MORN3: variants seen among roughly 807,000 people sequenced by gnomAD.
MORN3 encodes MORN repeat-containing protein 3.
Under a neutral mutation model 34.7 loss-of-function variants are expected in MORN3, and 38 were observed. The observed-to-expected ratio is 1.10, with a 90% CI of 0.85 to 1.44. MORN3 has a LOEUF of 1.44. Ranked by LOEUF, MORN3 falls within the 40% of genes most tolerant of loss-of-function variation. The pLI, the probability that MORN3 is intolerant of heterozygous loss-of-function variation, is 0.00. For synonymous variants in MORN3, 109 were observed against 115.3 expected (o/e 0.95, Z 0.35); for missense variants, 311 against 321.7 (o/e 0.97, Z 0.25).
intron 1 of MORN3, among the ~76,000 whole-genome samples, chr12:121,661,135 A>AT (rs1234030665): frequency 6.6e-6 from 1 of 151,828 alleles, no homozygotes; most frequent in Admixed American, 6.6e-5. Context: ...TTTTAAAAAA[A>AT]TTTTATAGAG....
intron 1 of MORN3, among the ~76,000 whole-genome samples, chr12:121,668,636 C>G (rs1893849950): frequency 6.6e-6 from 1 of 152,104 alleles, no homozygotes; most frequent in Non-Finnish European, 1.5e-5. Flanking sequence ...ATTGCTTGAG[C>G]CCAGGATCTC....
At chr12:121,652,612 G>T in intron 5 of MORN3, 116 bp downstream of exon 5, 1 of 871,902 alleles carries the variant, frequency 1.1e-6, no homozygotes, top group Non-Finnish European at 1.9e-6. Flanking sequence ...CGATGGTCTT[G>T]CTCCCCCACT....
Position 121,653,265 on chromosome 12 carries a change from G to A in MORN3, c.464-6C>T, listed in dbSNP as rs7965126. On this transcript the variant is annotated splice_polypyrimidine_tract_variant and splice_region_variant and intron_variant, in intron 3 of 5. Transcript: ENST00000355329. Reference sequence around the variant, plus strand: ...CTCGTAGCGGTTCCCGTTCTCTGGGGGAAAGGACAGGGAGGTGTGGTGCAG... The same window carrying A: ...CTCGTAGCGGTTCCCGTTCTCTGGGAGAAAGGACAGGGAGGTGTGGTGCAG... 4.5e-3 allele frequency: 7,278 copies of A among 1,612,840 alleles called. 288 individuals carry two copies. The African/African-American group carries it at 0.086, about 19-fold the overall frequency.
intron 4 of MORN3, 21 bp downstream of exon 4, chr12:121,653,054 G>A (rs1555325254): frequency 1.3e-6 from 2 of 1,586,584 alleles, no homozygotes; most frequent in African/African-American, 1.3e-5. Context: ...TGGCCACAGG[G>A]CCCTGGTGAG....
At chr12:121,656,701 G>A (rs2136870518) in intron 2 of MORN3, among the ~76,000 whole-genome samples, 1 of 151,898 alleles carries the variant, frequency 6.6e-6, no homozygotes, top group South Asian at 2.1e-4. Context: ...TTTTTATTTA[G>A]TAGAGACGGG....
At chr12:121,653,696 C>T (rs1327863029) in intron 3 of MORN3, among the ~76,000 whole-genome samples, 1 of 152,040 alleles carries the variant, frequency 6.6e-6, no homozygotes, top group South Asian at 2.1e-4. Flanking sequence ...TTAGTAGAGA[C>T]AGGGTTTCTC....
At position 121,653,091 on chromosome 12, in the gene MORN3, T is replaced by C; in HGVS notation, c.632A>G (p.Gln211Arg). 1 of 1,612,480 alleles carries C rather than the reference T, an allele frequency of 6.2e-7. No individual in the cohort carries two copies. The highest frequency in any genetic ancestry group is 8.5e-7 in the Non-Finnish European group (1 of 1,179,410). ...FGRDEAPEPT[Q>R]FPIPEVKILD... The stretch of plus-strand genomic sequence containing the variant: ...GCTGCCCACCTCAGGAATGGGGAAC[T>C]GAGTGGGCTCAGGGGCCTCGTCACG... The change falls in exon 4 of 6, where the codon CAG (glutamine) becomes CGG (arginine). Residue 211 changes from glutamine to arginine, a missense_variant. By Grantham distance (43) the Gln-to-Arg change is conservative (BLOSUM62 1). Coordinates refer to ENST00000355329, the MANE Select transcript of MORN3 (RefSeq NM_173855.5).
intron 2 of MORN3, 142 bp downstream of exon 2, chr12:121,659,049 C>T (rs1893497546): frequency 1.8e-6 from 2 of 1,099,294 alleles, no homozygotes. Flanking sequence ...CCTTCTCCCA[C>T]GAGCAGCACA....
At chr12:121,653,358 TG>T (rs1263915609) in intron 3 of MORN3, 99 bp from the exon 4 acceptor site, 2 of 1,261,676 alleles carry the variant, frequency 1.6e-6, no homozygotes, top group African/African-American at 3.0e-5. Context: ...CCTAACACAT[TG>T]GGAGGCCAAG....
intron 3 of MORN3, among the ~76,000 whole-genome samples, chr12:121,653,794 C>A (rs1555325390): frequency 6.6e-6 from 1 of 152,192 alleles, no homozygotes; most frequent in African/African-American, 2.4e-5. Context: ...GCATGAGCCA[C>A]TGCGCCTGGC....
chr12:121,659,607 T>A (rs1893520045), intron 1 of MORN3, among the ~76,000 whole-genome samples: 1 of 151,410 alleles, frequency 6.6e-6, no homozygotes, highest in Admixed American at 6.6e-5. Context: ...CGATCTCAGC[T>A]CACTGCAACC....
At position 121,665,278 on chromosome 12, in the gene MORN3, CTTTTTTTTTTTTTT is replaced by C. The variant is rs767525874; in HGVS notation, c.145+4047_145+4060del. Among the ~76,000 whole-genome samples the C allele has an allele frequency of 1.8e-4, 9 of 50,668 alleles. No individual in the cohort carries two copies. In the East Asian group the frequency reaches 3.1e-3, roughly 17 times the overall value. The allele number at this position is 50,668 out of a possible 152,430, so 33.2% of individuals were successfully genotyped here. ...AGATCTCGCGTTTTCTTTTTCTTTC[CTTTTTTTTTTTTTT>C]TTTTTTTTTTTTTTTTGAGACGGTG... is the stretch of plus-strand genomic sequence containing the variant. On this transcript the variant is annotated intron_variant, in intron 1 of 5. Coordinates refer to ENST00000355329, the MANE Select transcript of MORN3 (RefSeq NM_173855.5).
intron 3 of MORN3, among the ~76,000 whole-genome samples, chr12:121,653,705 T>C (rs1893319374): frequency 1.3e-5 from 2 of 152,066 alleles, no homozygotes; most frequent in Non-Finnish European, 2.9e-5. Context: ...ACAGGGTTTC[T>C]CCACGTTGGC....
intron 2 of MORN3, among the ~76,000 whole-genome samples, chr12:121,657,007 C>T (rs2136870863): frequency 6.6e-6 from 1 of 152,298 alleles, no homozygotes. Flanking sequence ...CTGTGTGACT[C>T]CAGGCAAGAC....
chr12:121,661,703 T>C (rs56703954), intron 1 of MORN3, among the ~76,000 whole-genome samples: 4,505 of 151,996 alleles, frequency 0.03, 181 homozygotes, highest in East Asian at 0.11. Flanking sequence ...TAGTGAAACC[T>C]GGTCTCTACT....
intron 1 of MORN3, 28 bp downstream of exon 1, chr12:121,669,311 C>T (rs771323021): frequency 2.3e-5 from 37 of 1,610,394 alleles, no homozygotes; most frequent in Middle Eastern, 1.7e-4. Context: ...GACCCCACTC[C>T]GGCCGCCCGT....
At chr12:121,672,296 C>CAA (rs35044814), upstream of MORN3, among the ~76,000 whole-genome samples, 39 of 129,834 alleles carry the variant, frequency 3.0e-4, no homozygotes, top group African/African-American at 6.3e-4. Context: ...CTTATCTCTA[C>CAA]AAAAAAAAAA....
At chr12:121,665,278 CTTTTTTTTTTTTTTTTTT>C (rs767525874) in intron 1 of MORN3, among the ~76,000 whole-genome samples, 16 of 50,634 alleles carry the variant, frequency 3.2e-4, no homozygotes, top group Non-Finnish European at 4.5e-4. Context: ...TTTTTCTTTC[CTTTTTTTTTTTTTTTTTT>C]TTTTTTTTTT....
At chr12:121,658,762 G>C (rs1476525424) in intron 2 of MORN3, among the ~76,000 whole-genome samples, 1 of 151,774 alleles carries the variant, frequency 6.6e-6, no homozygotes, top group Non-Finnish European at 1.5e-5. Flanking sequence ...GGCTGGCTTC[G>C]GCCCCCCGGG....
Sources: allele counts gnomAD v4.1 joint callset (sites outside exome capture counted in the v4.1 genomes callset), GRCh38; gene constraint gnomAD v4.1.1; transcripts MANE v1.5; gene names NCBI Gene and HGNC (gene_info 2026-07-23, HGNC 2026-07-21).